GALNT11: variants seen among roughly 807,000 people sequenced by gnomAD.
GALNT11 encodes the protein UDP-GalNAc:polypeptide N-acetylgalactosaminyltransferase 11.
GALNT11 carries 47 observed loss-of-function variants against 72.7 expected under a neutral mutation model. The ratio of observed to expected loss-of-function variants is 0.65; its 90% CI spans 0.51 to 0.82. The LOEUF (loss-of-function observed/expected upper bound fraction) is 0.82. GALNT11 is among the 40% of genes least tolerant of loss of function. The pLI is 0.00. For missense variants in GALNT11, 677 were observed against 778.4 expected, an observed-to-expected ratio of 0.87 and a Z score of 1.55; for synonymous variants, 270 against 286.6, an observed-to-expected ratio of 0.94 and a Z score of 0.58.
chr7:152,043,765 A>G (rs1375529272), intron 1 of GALNT11, among the ~76,000 whole-genome samples: 1 of 151,910 alleles, frequency 6.6e-6, no homozygotes, highest in African/African-American at 2.4e-5. Flanking sequence ...GTAGGGATGA[A>G]CCTCTCCCTC....
intron 1 of GALNT11, among the ~76,000 whole-genome samples, chr7:152,083,617 G>T (rs2085447658): frequency 6.6e-6 from 1 of 151,966 alleles, no homozygotes; most frequent in Non-Finnish European, 1.5e-5. Flanking sequence ...TCTGCAGTGG[G>T]GCTCACACCC....
intron 1 of GALNT11, among the ~76,000 whole-genome samples, chr7:152,038,527 T>C (rs2082695551): frequency 6.6e-6 from 1 of 152,220 alleles, no homozygotes; most frequent in African/African-American, 2.4e-5. Context: ...GTCAAGGCCA[T>C]CACGAGCATG....
intron 1 of GALNT11, among the ~76,000 whole-genome samples, chr7:152,040,131 C>T (rs1342813650): frequency 6.6e-6 from 1 of 151,482 alleles, no homozygotes; most frequent in Admixed American, 6.6e-5. Flanking sequence ...GCTAGTATAG[C>T]CTGGGGTATT....
intron 1 of GALNT11, among the ~76,000 whole-genome samples, chr7:152,051,160 C>T (rs1350823374): frequency 1.4e-5 from 2 of 144,520 alleles, no homozygotes; most frequent in Non-Finnish European, 3.0e-5. Context: ...TCCATTTGGC[C>T]ATCTGGCTCT....
At position 152,025,742 on chromosome 7, in the gene GALNT11, A is replaced by G. The variant is rs1468797362; in HGVS notation, c.-181A>G. 1 of 153,748 alleles carries G rather than the reference A, an allele frequency of 6.5e-6. No individual in the cohort carries two copies. The highest frequency in any genetic ancestry group is 1.5e-5 in the Non-Finnish European group (1 of 68,936). The allele number at this position is 153,748 out of a possible 1,614,324, so 9.5% of individuals were successfully genotyped here. On this transcript the variant is annotated 5_prime_UTR_variant, in exon 1 of 12. Coordinates refer to ENST00000430044, the MANE Select transcript of GALNT11 (RefSeq NM_022087.4). ...AGGAGGCGCGGCCGCCACTGCGCCCAGCGCCTGCGCGACGCCTGGCTGCTG... is the reference window on the plus strand; with the variant it reads ...AGGAGGCGCGGCCGCCACTGCGCCCGGCGCCTGCGCGACGCCTGGCTGCTG...
At chr7:152,089,281 C>CA (rs1005808526) in intron 1 of GALNT11, among the ~76,000 whole-genome samples, 1 of 151,804 alleles carries the variant, frequency 6.6e-6, no homozygotes, top group South Asian at 2.1e-4. Flanking sequence ...AAAGATATCT[C>CA]AAAAAAACAA....
intron 3 of GALNT11, 116 bp from the exon 4 acceptor site, chr7:152,102,996 A>AT: frequency 1.1e-6 from 1 of 933,450 alleles, no homozygotes; most frequent in Non-Finnish European, 1.5e-6. Context: ...AAAAAAAAAA[A>AT]GGCAGGGGGT....
intron 1 of GALNT11, among the ~76,000 whole-genome samples, chr7:152,062,647 C>G (rs1369600035): frequency 2.0e-5 from 3 of 152,080 alleles, no homozygotes; most frequent in South Asian, 4.2e-4. Flanking sequence ...CCCATCAATA[C>G]CTAATTTATT....
chr7:152,105,525 G>GT (rs2129053630), intron 5 of GALNT11, among the ~76,000 whole-genome samples, 155 bp downstream of exon 5: 1 of 152,336 alleles, frequency 6.6e-6, no homozygotes, highest in African/African-American at 2.4e-5. Context: ...GGAAAGACCT[G>GT]TTCATAACGC....
intron 11 of GALNT11, 115 bp from the exon 12 acceptor site, chr7:152,121,431 T>C: frequency 2.3e-6 from 3 of 1,283,340 alleles, no homozygotes; most frequent in Non-Finnish European, 3.2e-6. Flanking sequence ...AACCTTTGGC[T>C]AAGAGGGGAC....
In GALNT11 at chr7:152,101,826, GT is replaced by G. The variant is rs562326808; in HGVS notation, c.419+908del. Among the ~76,000 whole-genome samples the G allele has an allele frequency of 2.4e-3, 359 of 152,154 alleles. 2 individuals are homozygous for G. Among genetic ancestry groups the G allele is most frequent in the African/African-American group, 8.2e-3 (340 of 41,526 alleles). ...TTTTTATAGTTTTAGTAGAGATAGGGTTTCACCATGTTGGCCAGGCTGGTCT... is the reference window on the plus strand; with the variant it reads ...TTTTTATAGTTTTAGTAGAGATAGGGTTCACCATGTTGGCCAGGCTGGTCT... On this transcript the variant is annotated intron_variant, in intron 3 of 11. Transcript: ENST00000430044.
chr7:152,103,780 A>G, intron 4 of GALNT11: 1 of 153,652 alleles, frequency 6.5e-6, no homozygotes, highest in Non-Finnish European at 1.5e-5. Context: ...ACTCTTCCCC[A>G]GTCCCTGAAA....
rs758571428 is a variant in GALNT11 at position 152,105,252 on chromosome 7, GA to G, written c.597del (p.Gly200GlufsTer3). ...GTGGGACTTTATTTTCAGATGATTTGAAAGGAGAACTAGATGAATATGTCCA... is the reference window on the plus strand; with the variant it reads ...GTGGGACTTTATTTTCAGATGATTTGAAGGAGAACTAGATGAATATGTCCA... ...VDDDSDFDDL[K>X]GELDEYVQKY... On this transcript the variant is annotated frameshift_variant, in exon 5 of 12. Transcript: ENST00000430044. LOFTEE classifies it high-confidence loss of function. 1.2e-6 allele frequency: 2 copies of G among 1,612,988 alleles called. No homozygotes were observed. Among genetic ancestry groups the G allele is most frequent in the Non-Finnish European group, 1.7e-6 (2 of 1,179,602 alleles).
intron 2 of GALNT11, among the ~76,000 whole-genome samples, chr7:152,098,811 G>A (rs2086560452): frequency 6.6e-6 from 1 of 152,174 alleles, no homozygotes; most frequent in Non-Finnish European, 1.5e-5. Flanking sequence ...AATGCTAGTG[G>A]AGGTTTGTTG....
In GALNT11 at chr7:152,035,003, C is replaced by T. The variant is rs573669698; in HGVS notation, c.-39+9119C>T. Among the ~76,000 whole-genome samples the T allele has an allele frequency of 1.3e-4, 20 of 152,258 alleles. No individual in the cohort carries two copies. The South Asian group carries it at 3.9e-3, about 30-fold the overall frequency. Reference sequence around the variant, plus strand: ...TTACCCCTCCTGTAAAGATGTTATGCCCCAAAAATGAAGTGGAGGGCCATA... The same window carrying T: ...TTACCCCTCCTGTAAAGATGTTATGTCCCAAAAATGAAGTGGAGGGCCATA... On this transcript the variant is annotated intron_variant, in intron 1 of 11. Coordinates refer to ENST00000430044, the MANE Select transcript of GALNT11 (RefSeq NM_022087.4).
At chr7:152,093,154 G>A (rs995872276) in intron 1 of GALNT11, among the ~76,000 whole-genome samples, 5 of 151,730 alleles carry the variant, frequency 3.3e-5, no homozygotes, top group South Asian at 2.1e-4. Flanking sequence ...ACTTGAACTC[G>A]GGAGGCAGAG....
At position 152,083,403 on chromosome 7, in the gene GALNT11, G is replaced by A. The variant is rs539211576; in HGVS notation, c.-38-10787G>A. Among the ~76,000 whole-genome samples, 9 of 152,186 alleles carry A rather than the reference G, an allele frequency of 5.9e-5. No individual in the cohort carries two copies. In the East Asian group the frequency reaches 1.7e-3, roughly 29 times the overall value. ...ACAGTTGTTCTGACATCATTTAGTT[G>A]AAAGTCATTCATTTCCTCTCAGGTT... On this transcript the variant is annotated intron_variant, in intron 1 of 11. Coordinates refer to ENST00000430044, the MANE Select transcript of GALNT11 (RefSeq NM_022087.4).
Position 152,071,200 on chromosome 7 carries a change from C to T in GALNT11, c.-38-22990C>T, listed in dbSNP as rs1251990949. Among the ~76,000 whole-genome samples, 5 of 152,206 alleles carry T rather than the reference C, an allele frequency of 3.3e-5. No individual in the cohort carries two copies. In the East Asian group the frequency reaches 7.7e-4, roughly 23 times the overall value. ...ACCAAAATTTATTAGGCAGGAATTTCCTCTTCCTAATAAGCCTGGGAGCGC... is the reference window on the plus strand; with the variant it reads ...ACCAAAATTTATTAGGCAGGAATTTTCTCTTCCTAATAAGCCTGGGAGCGC... On this transcript the variant is annotated intron_variant, in intron 1 of 11. Coordinates refer to ENST00000430044, the MANE Select transcript of GALNT11 (RefSeq NM_022087.4).
intron 1 of GALNT11, among the ~76,000 whole-genome samples, chr7:152,032,313 G>T (rs1364053024): frequency 6.6e-6 from 1 of 152,212 alleles, no homozygotes; most frequent in African/African-American, 2.4e-5. Context: ...AAGGCAAAGA[G>T]AAACTGGGAG....
Sources: gnomAD v4.1 joint callset for allele counts (sites outside exome capture counted in the v4.1 genomes callset) on GRCh38, gnomAD v4.1.1 for gene constraint, MANE v1.5 for transcripts, NCBI Gene and HGNC (gene_info 2026-07-23, HGNC 2026-07-21) for gene names.